The following ZMIZ1 variants were observed in gnomAD, a reference collection of about 807,000 sequenced individuals.
ZMIZ1 encodes the protein zinc finger MIZ domain-containing protein 1.
Under a neutral mutation model 113.9 loss-of-function variants are expected in ZMIZ1, and 17 were observed. That is an observed-to-expected ratio of 0.15 (90% CI 0.10 to 0.22). The LOEUF (loss-of-function observed/expected upper bound fraction) is 0.22, where lower values mean the gene tolerates loss of function less well. ZMIZ1 is among the 10% of genes least tolerant of loss of function. ZMIZ1 has a pLI of 1.00. For missense variants in ZMIZ1, 1,059 were observed against 1,477.8 expected, an observed-to-expected ratio of 0.72 and a Z score of 4.65; for synonymous variants, 607 against 603.1, an observed-to-expected ratio of 1.01 and a Z score of -0.09.
At chr10:79,075,384 C>T (rs1433052986) in intron 1 of ZMIZ1, among the ~76,000 whole-genome samples, 1 of 152,156 alleles carries the variant, frequency 6.6e-6, no homozygotes, top group Non-Finnish European at 1.5e-5. Context: ...GATATTTGTC[C>T]CTAGGCACTT....
chr10:79,311,064 G>A lies in ZMIZ1; in HGVS notation c.2976G>A (p.Gln992=). The A allele has an allele frequency of 6.2e-7, 1 of 1,613,162 alleles. No homozygotes were observed. The highest frequency in any genetic ancestry group is 1.6e-4 in the Middle Eastern group (1 of 6,062). The change falls in exon 24 of 25, where the codon CAG becomes CAA. Residue 992 remains glutamine (Q), a synonymous_variant. Transcript: ENST00000334512. ...CTCCTCCTTCCCAGCCTCCCCGGCA[G>A]CCGCCACAGGCCGCTCCCAGCAGCC... is the stretch of plus-strand genomic sequence containing the variant. ...PPPPPSQPPR[Q]PPQAAPSSHP... is the part of the protein sequence containing the mutation.
At chr10:79,289,435 G>A (rs535562926) in intron 8 of ZMIZ1, among the ~76,000 whole-genome samples, 38 of 152,302 alleles carry the variant, frequency 2.5e-4, no homozygotes, top group Middle Eastern at 3.4e-3. Flanking sequence ...CGTGGAGTCA[G>A]AGCCCGGGTG....
intron 7 of ZMIZ1, among the ~76,000 whole-genome samples, chr10:79,271,416 T>C (rs1589532781): frequency 6.6e-6 from 1 of 152,134 alleles, no homozygotes; most frequent in Non-Finnish European, 1.5e-5. Context: ...GAAACTGGGG[T>C]GCAGGAAGGT....
At chr10:79,298,935 A>G in intron 15 of ZMIZ1, 115 bp from the exon 16 acceptor site, 1 of 1,376,240 alleles carries the variant, frequency 7.3e-7, no homozygotes, top group Non-Finnish European at 9.7e-7. Flanking sequence ...GGCCCTGTTT[A>G]CACACCCCTG....
chr10:79,073,485 C>T (rs1842364683), intron 1 of ZMIZ1, among the ~76,000 whole-genome samples: 2 of 152,214 alleles, frequency 1.3e-5, no homozygotes, highest in Admixed American at 1.3e-4. Context: ...CTTCAGTGGG[C>T]AGTTGTGAGT....
At chr10:79,201,560 A>G (rs1848080877) in intron 4 of ZMIZ1, 24 bp from the exon 5 acceptor site, 7 of 1,570,760 alleles carry the variant, frequency 4.5e-6, no homozygotes, top group African/African-American at 1.3e-5. Flanking sequence ...TGATCCAGTG[A>G]CAACCTCTCC....
At chr10:79,255,651 T>G (rs1850842297) in intron 7 of ZMIZ1, among the ~76,000 whole-genome samples, 1 of 152,190 alleles carries the variant, frequency 6.6e-6, no homozygotes. Flanking sequence ...CTCTGCATTC[T>G]GAGCTCATGA....
chr10:79,241,879 G>A (rs1406756626), intron 7 of ZMIZ1, among the ~76,000 whole-genome samples: 4 of 152,170 alleles, frequency 2.6e-5, no homozygotes, highest in African/African-American at 9.7e-5. Flanking sequence ...GTGTTGGCCA[G>A]GGCAGCAGGG....
At chr10:79,191,605 A>G (rs1425073093) in intron 4 of ZMIZ1, among the ~76,000 whole-genome samples, 2 of 151,908 alleles carry the variant, frequency 1.3e-5, no homozygotes, top group East Asian at 1.9e-4. Flanking sequence ...CCCTATCTTC[A>G]CCATCCTCAG....
chr10:79,072,651 C>T (rs1431747180), intron 1 of ZMIZ1, among the ~76,000 whole-genome samples: 1 of 152,220 alleles, frequency 6.6e-6, no homozygotes, highest in Non-Finnish European at 1.5e-5. Flanking sequence ...TCTGTAGGCA[C>T]TTGGTCGTGG....
chr10:79,168,083 C>A (rs993926002), intron 4 of ZMIZ1, among the ~76,000 whole-genome samples: 5 of 152,348 alleles, frequency 3.3e-5, no homozygotes, highest in Non-Finnish European at 4.4e-5. Context: ...GAGCCCTCTA[C>A]CCTCTGGAGC....
intron 1 of ZMIZ1, among the ~76,000 whole-genome samples, chr10:79,114,490 T>C (rs1005159943): frequency 1.1e-4 from 11 of 103,102 alleles, no homozygotes; most frequent in Admixed American, 2.8e-4. Flanking sequence ...TGTGTGTGTG[T>C]GTGCGTGTGT....
At chr10:79,087,986 G>A (rs1842866746) in intron 1 of ZMIZ1, among the ~76,000 whole-genome samples, 1 of 152,224 alleles carries the variant, frequency 6.6e-6, no homozygotes, top group Non-Finnish European at 1.5e-5. Flanking sequence ...AGCAGCACCA[G>A]CTTGGATCTA....
At position 79,190,898 on chromosome 10, in the gene ZMIZ1, C is replaced by T. The variant is rs187687738; in HGVS notation, c.-49-10686C>T. 5.3e-5 allele frequency among the ~76,000 whole-genome samples: 8 copies of T among 152,286 alleles called. 1 individual carries two copies. The highest frequency in any genetic ancestry group is 4.6e-4 in the Admixed American group (7 of 15,294). ...AACGGGAAGTTTGCATGTGGATCTG[C>T]TTGGTGGCCTCAAGCTAAGCCCTCC... On this transcript the variant is annotated intron_variant, in intron 4 of 24. Transcript: ENST00000334512.
chr10:79,211,093 T>C (rs1157472375), intron 6 of ZMIZ1, among the ~76,000 whole-genome samples: 1 of 152,162 alleles, frequency 6.6e-6, no homozygotes, highest in Non-Finnish European at 1.5e-5. Flanking sequence ...AGCCAGCAGC[T>C]TGAAGGGGCT....
chr10:79,297,829 G>C (rs781301874), intron 14 of ZMIZ1, 139 bp downstream of exon 14: 1 of 689,610 alleles, frequency 1.5e-6, no homozygotes, highest in Non-Finnish European at 2.5e-6. Flanking sequence ...CCCTGTCCTG[G>C]GGACAGAGAT....
chr10:79,092,532 C>G (rs1394569599), intron 1 of ZMIZ1, among the ~76,000 whole-genome samples: 1 of 152,252 alleles, frequency 6.6e-6, no homozygotes, highest in Non-Finnish European at 1.5e-5. Flanking sequence ...GGGGTGTCCC[C>G]CTGTGGGCAG....
At chr10:79,157,849 G>A (rs990020804) in intron 3 of ZMIZ1, among the ~76,000 whole-genome samples, 2 of 152,190 alleles carry the variant, frequency 1.3e-5, no homozygotes, top group African/African-American at 4.8e-5. Context: ...GGTCATGTAA[G>A]GGGATGTGTG....
At chr10:79,095,116 T>C (rs1263034990) in intron 1 of ZMIZ1, among the ~76,000 whole-genome samples, 2 of 152,286 alleles carry the variant, frequency 1.3e-5, no homozygotes, top group East Asian at 3.9e-4. Flanking sequence ...TGTCTTCCAC[T>C]TGTGGGACCT....
Sources: gnomAD v4.1 joint callset for allele counts (sites outside exome capture counted in the v4.1 genomes callset) on GRCh38, gnomAD v4.1.1 for gene constraint, MANE v1.5 for transcripts, NCBI Gene and HGNC (gene_info 2026-07-23, HGNC 2026-07-21) for gene names.